The following RAB3GAP1 variants were observed in gnomAD, a reference collection of about 807,000 sequenced individuals.
RAB3GAP1 encodes RAB3 GTPase activating protein catalytic subunit 1.
RAB3GAP1 carries 86 observed loss-of-function variants against 130.7 expected under a neutral mutation model. The ratio of observed to expected loss-of-function variants is 0.66; its 90% confidence interval spans 0.55 to 0.79. The LOEUF is 0.79. Ranked by LOEUF, RAB3GAP1 falls within the 30% of genes least tolerant of loss-of-function variation. The probability of loss-of-function intolerance (pLI) is 0.00; values close to 1 mark genes in which losing one functional copy is unlikely to be tolerated. For missense variants in RAB3GAP1, 1,029 were observed against 1,169.4 expected, an observed-to-expected ratio of 0.88 and a Z score of 1.75; for synonymous variants, 367 against 401.7, an observed-to-expected ratio of 0.91 and a Z score of 1.03.
chr2:135,140,474 A>G (rs891483551), intron 17 of RAB3GAP1, among the ~76,000 whole-genome samples: 11 of 152,326 alleles, frequency 7.2e-5, no homozygotes, highest in Non-Finnish European at 7.4e-5. Flanking sequence ...GCCCATAATC[A>G]TGCTCGTGGC....
chr2:135,095,479 A>C (rs1314727942), intron 5 of RAB3GAP1, among the ~76,000 whole-genome samples: 1 of 152,208 alleles, frequency 6.6e-6, no homozygotes, highest in Non-Finnish European at 1.5e-5. Flanking sequence ...ATATCATAGA[A>C]ATTTTAATAC....
At chr2:135,158,364 A>G (rs909795157) in intron 19 of RAB3GAP1, among the ~76,000 whole-genome samples, 3 of 151,858 alleles carry the variant, frequency 2.0e-5, no homozygotes, top group African/African-American at 7.3e-5. Flanking sequence ...GCTCGACACT[A>G]AGGAAGTGCT....
intron 18 of RAB3GAP1, among the ~76,000 whole-genome samples, chr2:135,150,859 C>G (rs539256030): frequency 6.6e-5 from 10 of 152,112 alleles, no homozygotes; most frequent in African/African-American, 2.4e-4. Flanking sequence ...CTTTTGAGTG[C>G]CTATTGTGTA....
chr2:135,130,858 C>G (rs908644696), intron 13 of RAB3GAP1, 137 bp downstream of exon 13: 1 of 814,118 alleles, frequency 1.2e-6, no homozygotes, highest in African/African-American at 1.7e-5. Context: ...AAAATTCCTA[C>G]TAGTTTAGTG....
intron 7 of RAB3GAP1, among the ~76,000 whole-genome samples, 190 bp downstream of exon 7, chr2:135,115,571 T>C (rs6739879): frequency 6.6e-6 from 1 of 152,244 alleles, no homozygotes; most frequent in African/African-American, 2.4e-5. Flanking sequence ...GTATTTTTAG[T>C]GTACTCATGC....
intron 23 of RAB3GAP1, chr2:135,167,853 T>C: frequency 3.2e-6 from 2 of 634,622 alleles, no homozygotes; most frequent in Non-Finnish European, 4.8e-6. Context: ...CAACATGATT[T>C]CATGTTTCCA....
At chr2:135,151,921 CCTT>C (rs1692187916) in intron 18 of RAB3GAP1, among the ~76,000 whole-genome samples, 2 of 151,958 alleles carry the variant, frequency 1.3e-5, no homozygotes. Context: ...ACATACTACT[CCTT>C]CTTGGTAAAG....
At chr2:135,087,455 G>A (rs970795816) in intron 3 of RAB3GAP1, among the ~76,000 whole-genome samples, 13 of 152,116 alleles carry the variant, frequency 8.5e-5, no homozygotes, top group African/African-American at 3.1e-4. Flanking sequence ...GGATCATGTT[G>A]AATATATAGA....
Position 135,115,473 on chromosome 2 carries a change from A to G in RAB3GAP1, c.648+92A>G, listed in dbSNP as rs1690943696. 7 of 1,239,700 alleles carry G rather than the reference A, an allele frequency of 5.6e-6. No individual in the cohort carries two copies. The South Asian group carries it at 7.7e-5, about 14-fold the overall frequency. 76.8% of individuals were successfully genotyped at this position (1,239,700 alleles called of 1,614,324 possible). A position where few individuals can be genotyped will look rare whatever the true frequency, so the allele number is the denominator to read the frequency against. On this transcript the variant is annotated intron_variant, in intron 7 of 23. Coordinates refer to ENST00000264158, the MANE Select transcript of RAB3GAP1 (RefSeq NM_012233.3). ...ATTCAGCATATAGAAACATTTCTCT[A>G]TAATATTGATAATGTAATTGCTTAG...
chr2:135,168,520 A>C, intron 23 of RAB3GAP1, 25 bp from the exon 24 acceptor site: 4 of 1,592,598 alleles, frequency 2.5e-6, no homozygotes, highest in Non-Finnish European at 3.4e-6. Context: ...CCTGCTTTTG[A>C]CTTTAGCATT....
At chr2:135,152,849 T>C (rs553247242) in intron 18 of RAB3GAP1, 14 of 152,464 alleles carry the variant, frequency 9.2e-5, no homozygotes, top group African/African-American at 3.4e-4. Context: ...TAGAAAGACC[T>C]CTGTGCCTTA....
chr2:135,133,647 T>C (rs1691606969), intron 14 of RAB3GAP1, among the ~76,000 whole-genome samples: 1 of 152,186 alleles, frequency 6.6e-6, no homozygotes, highest in Non-Finnish European at 1.5e-5. Context: ...TTCATTAAAC[T>C]ATAGCTTTAT....
chr2:135,174,824 G>A (rs1436151516), downstream of RAB3GAP1, among the ~76,000 whole-genome samples: 9 of 152,170 alleles, frequency 5.9e-5, no homozygotes, highest in Admixed American at 1.3e-4. Flanking sequence ...ACAACATCAC[G>A]AAGGGAGTGC....
At chr2:135,070,053 A>G (rs1178583106) in intron 3 of RAB3GAP1, among the ~76,000 whole-genome samples, 1 of 152,232 alleles carries the variant, frequency 6.6e-6, no homozygotes, top group Non-Finnish European at 1.5e-5. Context: ...ATGCCATACG[A>G]TGGGTATTAT....
At chr2:135,098,679 T>G (rs1690367798) in intron 5 of RAB3GAP1, among the ~76,000 whole-genome samples, 1 of 152,216 alleles carries the variant, frequency 6.6e-6, no homozygotes, top group Non-Finnish European at 1.5e-5. Context: ...TATATCCATT[T>G]TGATATTTAG....
At chr2:135,115,182 T>C in intron 6 of RAB3GAP1, 34 bp from the exon 7 acceptor site, 1 of 1,577,468 alleles carries the variant, frequency 6.3e-7, no homozygotes, top group Non-Finnish European at 8.7e-7. Flanking sequence ...TTTAATGAGC[T>C]TGTATTCCAT....
At chr2:135,167,196 T>G (rs1422181557) in intron 23 of RAB3GAP1, among the ~76,000 whole-genome samples, 1 of 152,174 alleles carries the variant, frequency 6.6e-6, no homozygotes, top group Non-Finnish European at 1.5e-5. Context: ...TTCTATATAT[T>G]TATAACTTTT....
intron 3 of RAB3GAP1, among the ~76,000 whole-genome samples, chr2:135,080,410 A>AGG (rs1231515326): frequency 1.6e-4 from 25 of 152,338 alleles, no homozygotes; most frequent in African/African-American, 4.8e-4. Context: ...ACAGAGGAGA[A>AGG]GGTCAGATCA....
chr2:135,167,372 A>G (rs1204202136), intron 23 of RAB3GAP1, among the ~76,000 whole-genome samples: 3 of 149,984 alleles, frequency 2.0e-5, no homozygotes, highest in African/African-American at 5.0e-5. Context: ...TTTTCAAGCC[A>G]TGAACACTTT....
Sources: gnomAD v4.1 joint callset for allele counts (sites outside exome capture counted in the v4.1 genomes callset) on GRCh38, gnomAD v4.1.1 for gene constraint, MANE v1.5 for transcripts, NCBI Gene and HGNC (gene_info 2026-07-23, HGNC 2026-07-21) for gene names.